Variants in RICTOR observed in about 807,000 individuals in gnomAD.
RICTOR encodes the protein rapamycin-insensitive companion of mTOR.
RICTOR carries 49 observed loss-of-function variants against 214.9 expected under a neutral mutation model. That is an observed-to-expected ratio of 0.23 (90% CI 0.18 to 0.29). The LOEUF (loss-of-function observed/expected upper bound fraction) is 0.29, where lower values mean the gene tolerates loss of function less well. RICTOR is among the 10% of genes least tolerant of loss of function. The pLI is 1.00. For missense variants in RICTOR, 1,625 were observed against 2,047.0 expected, an observed-to-expected ratio of 0.79 and a Z score of 3.98; for synonymous variants, 717 against 711.3, an observed-to-expected ratio of 1.01 and a Z score of -0.13.
intron 12 of RICTOR, 24 bp downstream of exon 12, chr5:38,967,919 A>G (rs749202080): frequency 1.7e-6 from 2 of 1,185,682 alleles, no homozygotes. Context: ...ATATGAAAAG[A>G]TACAAATGTA....
At chr5:38,989,907 G>A (rs1752456812) in intron 7 of RICTOR, among the ~76,000 whole-genome samples, 1 of 152,210 alleles carries the variant, frequency 6.6e-6, no homozygotes, top group South Asian at 2.1e-4. Context: ...TGGTGGGACT[G>A]TAAATTAGTT....
chr5:39,066,244 A>G lies in RICTOR; in HGVS notation c.97+7867T>C, dbSNP rs114135412. On this transcript the variant is annotated intron_variant, in intron 2 of 37. Coordinates refer to ENST00000357387, the MANE Select transcript of RICTOR (RefSeq NM_152756.5). The stretch of plus-strand genomic sequence containing the variant: ...AAGTCTTATGGCTTGCACCCTTTGA[A>G]GCAGCAGCCCGAACTGTACCTGGGC... 3.1e-3 allele frequency among the ~76,000 whole-genome samples: 469 copies of G among 152,336 alleles called. 3 individuals are homozygous for G. The highest frequency in any genetic ancestry group is 0.011 in the African/African-American group (442 of 41,582).
At chr5:38,969,427 T>C (rs1023401887) in intron 11 of RICTOR, among the ~76,000 whole-genome samples, 1 of 152,098 alleles carries the variant, frequency 6.6e-6, no homozygotes, top group African/African-American at 2.4e-5. Flanking sequence ...GTCAAAAGTT[T>C]AAAAAATTTG....
chr5:39,017,725 A>AT (rs1424091582), intron 3 of RICTOR, among the ~76,000 whole-genome samples: 2 of 152,282 alleles, frequency 1.3e-5, no homozygotes, highest in Admixed American at 1.3e-4. Flanking sequence ...ATTGTATTAC[A>AT]TAGTGACTAT....
At chr5:38,990,404 A>G (rs1276611195) in intron 7 of RICTOR, among the ~76,000 whole-genome samples, 1 of 151,952 alleles carries the variant, frequency 6.6e-6, no homozygotes, top group African/African-American at 2.4e-5. Context: ...TGATGCGTAC[A>G]GCAAACCACC....
intron 8 of RICTOR, 78 bp from the exon 9 acceptor site, chr5:38,978,728 C>A (rs2150055667): frequency 1.5e-6 from 1 of 669,792 alleles, no homozygotes; most frequent in Non-Finnish European, 2.5e-6. Flanking sequence ...ATGTAACATT[C>A]CATTTCTCTC....
At chr5:39,013,290 CTTATT>C (rs1400533652) in intron 3 of RICTOR, among the ~76,000 whole-genome samples, 1 of 152,040 alleles carries the variant, frequency 6.6e-6, no homozygotes, top group African/African-American at 2.4e-5. Context: ...TTATACAAAT[CTTATT>C]TTAAGACGGG....
At chr5:38,949,689 C>A in intron 31 of RICTOR, 23 bp downstream of exon 31, 1 of 1,598,276 alleles carries the variant, frequency 6.3e-7, no homozygotes, top group South Asian at 1.1e-5. Flanking sequence ...TTATTGGTCA[C>A]TTCTAAACAT....
rs1282268111 is a variant in RICTOR, at chr5:38,981,959, T to C, written c.661A>G (p.Ser221Gly). Residue 221 changes from serine (S) to glycine (G), a missense_variant, in exon 8 of 38, where the codon AGT becomes GGT. By Grantham distance (56) the Ser-to-Gly change is moderately conservative. Transcript: ENST00000357387. The stretch of plus-strand genomic sequence containing the variant: ...GTAATTAGGGCCTCATTTATTCGAC[T>C]TAATTGGCAATCGATCACATTTTTC... ...ILKNVIDCQLSRINEALITTI... is the reference protein window; with the variant it reads ...ILKNVIDCQLGRINEALITTI... 9 of 1,612,912 alleles carry C rather than the reference T, an allele frequency of 5.6e-6. No individual in the cohort carries two copies. Among genetic ancestry groups the C allele is most frequent in the Non-Finnish European group, 7.6e-6 (9 of 1,179,070 alleles).
At chr5:39,023,593 A>T (rs1755595936) in intron 2 of RICTOR, among the ~76,000 whole-genome samples, 1 of 152,216 alleles carries the variant, frequency 6.6e-6, no homozygotes, top group African/African-American at 2.4e-5. Flanking sequence ...CAAAAGCACA[A>T]TTTTTAAAAT....
intron 2 of RICTOR, among the ~76,000 whole-genome samples, chr5:39,026,591 T>C (rs1054842516): frequency 6.6e-6 from 1 of 152,072 alleles, no homozygotes; most frequent in African/African-American, 2.4e-5. Flanking sequence ...TAGAGCTGAA[T>C]ACAATTGATT....
At chr5:39,070,708 A>G (rs1029416789) in intron 2 of RICTOR, among the ~76,000 whole-genome samples, 1 of 152,248 alleles carries the variant, frequency 6.6e-6, no homozygotes, top group Non-Finnish European at 1.5e-5. Flanking sequence ...CACAATAATT[A>G]AAGTATACCA....
At chr5:38,963,884 G>A (rs1451796738) in intron 16 of RICTOR, among the ~76,000 whole-genome samples, 1 of 151,870 alleles carries the variant, frequency 6.6e-6, no homozygotes, top group Non-Finnish European at 1.5e-5. Flanking sequence ...CCTAGAGACA[G>A]AACTGAGATA....
At chr5:39,047,932 C>A (rs2150181674) in intron 2 of RICTOR, among the ~76,000 whole-genome samples, 1 of 152,248 alleles carries the variant, frequency 6.6e-6, no homozygotes, top group Non-Finnish European at 1.5e-5. Flanking sequence ...AAATTTAGAT[C>A]TTAAGTTGGA....
chr5:39,047,950 A>T (rs1182396609), intron 2 of RICTOR, among the ~76,000 whole-genome samples: 2 of 152,242 alleles, frequency 1.3e-5, no homozygotes, highest in African/African-American at 4.8e-5. Flanking sequence ...GGAAAAAGTA[A>T]CAAAAAGTAA....
rs538849219 is a variant in RICTOR at position 38,994,579 on chromosome 5, C to A, written c.456+2240G>T. On this transcript the variant is annotated intron_variant, in intron 6 of 37. Coordinates refer to ENST00000357387, the MANE Select transcript of RICTOR (RefSeq NM_152756.5). Reference sequence around the variant, plus strand: ...TAAACCAAGGAAAAGCCCTGTGCCACAATTCTACCGCTGATTCTATATCCC... The same window carrying A: ...TAAACCAAGGAAAAGCCCTGTGCCAAAATTCTACCGCTGATTCTATATCCC... 3.3e-5 allele frequency among the ~76,000 whole-genome samples: 5 copies of A among 152,238 alleles called. No homozygotes were observed. The East Asian group carries it at 9.7e-4, about 29-fold the overall frequency.
At chr5:39,066,707 T>C (rs1450348041) in intron 2 of RICTOR, among the ~76,000 whole-genome samples, 1 of 152,238 alleles carries the variant, frequency 6.6e-6, no homozygotes, top group Non-Finnish European at 1.5e-5. Flanking sequence ...CTTGAACACT[T>C]TGCTGCTTAG....
intron 2 of RICTOR, among the ~76,000 whole-genome samples, chr5:39,028,174 TC>T (rs375918107): frequency 7.9e-6 from 1 of 126,432 alleles, no homozygotes; most frequent in Admixed American, 8.2e-5. Context: ...CAACTGGAAT[TC>T]TTTTTTTTTT....
At chr5:39,062,637 C>G (rs1470805752) in intron 2 of RICTOR, among the ~76,000 whole-genome samples, 1 of 152,102 alleles carries the variant, frequency 6.6e-6, no homozygotes, top group Admixed American at 6.5e-5. Flanking sequence ...ACATCTAAAA[C>G]AGCTAAATAC....
Sources: gnomAD v4.1 joint callset for allele counts (sites outside exome capture counted in the v4.1 genomes callset) on GRCh38, gnomAD v4.1.1 for gene constraint, MANE v1.5 for transcripts, NCBI Gene and HGNC (gene_info 2026-07-23, HGNC 2026-07-21) for gene names.